KIF6: variants seen among roughly 807,000 people sequenced by gnomAD.
The protein encoded by KIF6 is kinesin-like protein KIF6.
In KIF6, 106 loss-of-function variants were observed where a neutral mutation model predicts 112.7. The observed-to-expected ratio is 0.94, with a 90% CI of 0.80 to 1.11. The LOEUF is 1.11. Among genes scored for constraint, KIF6 ranks in the 50% least tolerant of loss-of-function variants. The probability of loss-of-function intolerance (pLI) is 0.00; values close to 1 mark genes in which losing one functional copy is unlikely to be tolerated. For missense variants in KIF6, 929 were observed against 964.0 expected, an observed-to-expected ratio of 0.96 and a Z score of 0.48; for synonymous variants, 339 against 339.9, an observed-to-expected ratio of 1.00 and a Z score of 0.03.
At chr6:39,492,867 G>GA in intron 13 of KIF6, among the ~76,000 whole-genome samples, 1 of 152,186 alleles carries the variant, frequency 6.6e-6, no homozygotes, top group Non-Finnish European at 1.5e-5. Flanking sequence ...GATTTTTATA[G>GA]AAAAAAATAT....
chr6:39,441,688 A>G (rs1771931012), intron 13 of KIF6, among the ~76,000 whole-genome samples: 1 of 152,196 alleles, frequency 6.6e-6, no homozygotes, highest in African/African-American at 2.4e-5. Flanking sequence ...AAGACCAGAG[A>G]TCAGATCTTT....
intron 16 of KIF6, among the ~76,000 whole-genome samples, chr6:39,364,579 A>C (rs1195838542): frequency 6.6e-6 from 1 of 152,190 alleles, no homozygotes; most frequent in Non-Finnish European, 1.5e-5. Context: ...TTACCTTTTA[A>C]AAATTTAAGC....
At chr6:39,722,252 T>G (rs1790261220) in intron 1 of KIF6, among the ~76,000 whole-genome samples, 1 of 152,190 alleles carries the variant, frequency 6.6e-6, no homozygotes, top group Non-Finnish European at 1.5e-5. Flanking sequence ...TCTATATTTC[T>G]CTGCTCAGCA....
chr6:39,431,105 C>A lies in KIF6; in HGVS notation c.1702G>T (p.Asp568Tyr). The A allele has an allele frequency of 6.2e-7, 1 of 1,613,548 alleles. No individual in the cohort carries two copies. Among genetic ancestry groups the A allele is most frequent in the South Asian group, 1.1e-5 (1 of 91,006 alleles). The change falls in exon 14 of 23, where the codon GAC (aspartate) becomes TAC (tyrosine). Residue 568 changes from aspartate to tyrosine, a missense_variant. By Grantham distance (160) the Asp-to-Tyr change is radical (BLOSUM62 -3). Coordinates refer to ENST00000287152, the MANE Select transcript of KIF6 (RefSeq NM_145027.6). ...TCGATGGTAACGCTGTCAGCGTGGT[C>A]CCTCTTGAAGATTTCAAAAGCCTCC... ...CQEAFEIFKR[D>Y]HADSVTIDDN...
At chr6:39,531,923 C>T (rs1778088055) in intron 13 of KIF6, among the ~76,000 whole-genome samples, 1 of 152,172 alleles carries the variant, frequency 6.6e-6, no homozygotes, top group Non-Finnish European at 1.5e-5. Flanking sequence ...CAGCCTTTCA[C>T]TCCCCAGATC....
chr6:39,535,709 G>A (rs905816085), intron 13 of KIF6, among the ~76,000 whole-genome samples: 5 of 152,100 alleles, frequency 3.3e-5, no homozygotes, highest in African/African-American at 9.7e-5. Flanking sequence ...TGCACCAAGT[G>A]GACCTAATAG....
intron 3 of KIF6, among the ~76,000 whole-genome samples, chr6:39,640,089 A>C (rs759383137): frequency 6.6e-6 from 1 of 152,086 alleles, no homozygotes. Flanking sequence ...TAATTTGGCA[A>C]ACTGTCAACC....
At chr6:39,639,572 T>C (rs780318843) in intron 4 of KIF6, 38 bp downstream of exon 4, 55 of 1,488,328 alleles carry the variant, frequency 3.7e-5, no homozygotes, top group Middle Eastern at 1.8e-4. Context: ...TTGCTGAATA[T>C]ATCAAATACA....
At chr6:39,709,143 C>T (rs572766106) in intron 3 of KIF6, among the ~76,000 whole-genome samples, 3 of 152,240 alleles carry the variant, frequency 2.0e-5, no homozygotes, top group African/African-American at 7.2e-5. Flanking sequence ...TAAATAACCA[C>T]AAAGATTATT....
At chr6:39,640,050 GA>G (rs1331065654) in intron 3 of KIF6, among the ~76,000 whole-genome samples, 1 of 151,842 alleles carries the variant, frequency 6.6e-6, no homozygotes, top group Non-Finnish European at 1.5e-5. Context: ...AGAATATATT[GA>G]AAAAAAGTTC....
Position 39,389,600 on chromosome 6 carries a change from A to C in KIF6, c.1811-3928T>G, listed in dbSNP as rs1486433574. ...GACCAACGGCTGGCCTTGCTCCTCC[A>C]TCAGGGATGGTTTGCTTTCCTGCTG... On this transcript the variant is annotated intron_variant, in intron 15 of 22. Transcript: ENST00000287152. Among the ~76,000 whole-genome samples, 10 of 152,264 alleles carry C rather than the reference A, an allele frequency of 6.6e-5. No individual in the cohort carries two copies. In the East Asian group the frequency reaches 1.4e-3, roughly 21 times the overall value.
intron 1 of KIF6, among the ~76,000 whole-genome samples, chr6:39,721,230 G>A (rs548642429): frequency 6.6e-6 from 1 of 152,236 alleles, no homozygotes; most frequent in South Asian, 2.1e-4. Flanking sequence ...AAAGGGACTA[G>A]GTTTGGAGCC....
At chr6:39,349,055 G>T (rs1407774264) in intron 19 of KIF6, among the ~76,000 whole-genome samples, 2 of 152,230 alleles carry the variant, frequency 1.3e-5, no homozygotes, top group African/African-American at 4.8e-5. Context: ...CCATGACTGG[G>T]ATTCATGTGA....
At chr6:39,721,131 T>A (rs1354738491) in intron 1 of KIF6, among the ~76,000 whole-genome samples, 1 of 152,194 alleles carries the variant, frequency 6.6e-6, no homozygotes, top group Non-Finnish European at 1.5e-5. Context: ...CAACATTTTA[T>A]CTAAGTATTG....
chr6:39,633,752 A>G (rs1784471358), intron 5 of KIF6, among the ~76,000 whole-genome samples: 1 of 152,144 alleles, frequency 6.6e-6, no homozygotes, highest in Non-Finnish European at 1.5e-5. Flanking sequence ...TTCATCTTCA[A>G]CGACTTCCCC....
At chr6:39,564,843 A>G (rs909745155) in intron 10 of KIF6, among the ~76,000 whole-genome samples, 2 of 152,272 alleles carry the variant, frequency 1.3e-5, no homozygotes, top group African/African-American at 4.8e-5. Flanking sequence ...TCCAATGCTT[A>G]GCTGAATACG....
At position 39,578,149 on chromosome 6, in the gene KIF6, C is replaced by A. The variant is rs747031784; in HGVS notation, c.1088G>T (p.Arg363Leu). The change falls in exon 10 of 23, where the codon CGC becomes CTC. Residue 363 changes from arginine (R) to leucine (L), a missense_variant. Arg to Leu is a moderately radical substitution (Grantham distance 102). Transcript: ENST00000287152. Reference protein sequence around the residue: ...EEINPRLVIKRLQKEIQELKD... With the variant: ...EEINPRLVIKLLQKEIQELKD... ...CAGTTCCTGGATTTCCTTTTGTAGG[C>A]GTTTAATCACCTACAAATGGCAAAG... 1.2e-6 allele frequency: 2 copies of A among 1,609,372 alleles called. No homozygotes were observed. Among genetic ancestry groups the A allele is most frequent in the African/African-American group, 2.7e-5 (2 of 74,926 alleles).
intron 7 of KIF6, among the ~76,000 whole-genome samples, chr6:39,593,851 G>A (rs1465273408): frequency 6.6e-6 from 1 of 152,118 alleles, no homozygotes; most frequent in Non-Finnish European, 1.5e-5. Flanking sequence ...CAGATACCCT[G>A]CTACAAGCTC....
chr6:39,563,500 A>T (rs1162298194), intron 10 of KIF6, among the ~76,000 whole-genome samples: 2 of 152,226 alleles, frequency 1.3e-5, no homozygotes, highest in Non-Finnish European at 2.9e-5. Flanking sequence ...ATATGTAGAT[A>T]ATATATGCAT....
Sources: gnomAD v4.1 joint callset for allele counts (sites outside exome capture counted in the v4.1 genomes callset) on GRCh38, gnomAD v4.1.1 for gene constraint, MANE v1.5 for transcripts, NCBI Gene and HGNC (gene_info 2026-07-23, HGNC 2026-07-21) for gene names.